Variants in TPTE observed in about 807,000 individuals in gnomAD.
The protein encoded by TPTE is putative tyrosine-protein phosphatase TPTE.
Under a neutral mutation model 84.1 loss-of-function variants are expected in TPTE, and 59 were observed. That is an observed-to-expected ratio of 0.70 (90% CI 0.57 to 0.87). The LOEUF (loss-of-function observed/expected upper bound fraction) is 0.87, where lower values mean the gene tolerates loss of function less well. TPTE is among the 40% of genes least tolerant of loss of function. TPTE has a pLI of 0.00. For missense variants in TPTE, 382 were observed against 659.6 expected (o/e 0.58, Z 4.61); for synonymous variants, 130 against 223.5 (o/e 0.58, Z 3.73).
At chr21:10,538,892 C>T (rs1362648394) in intron 4 of TPTE, among the ~76,000 whole-genome samples, 158 bp downstream of exon 4, 2 of 152,304 alleles carry the variant, frequency 1.3e-5, no homozygotes, top group African/African-American at 2.4e-5. Flanking sequence ...TCCATGCATA[C>T]AGTGGAAACA....
chr21:10,555,161 T>C (rs993682097), intron 8 of TPTE, among the ~76,000 whole-genome samples: 2 of 152,304 alleles, frequency 1.3e-5, no homozygotes, highest in Admixed American at 6.5e-5. Context: ...TCAACTTTGA[T>C]ATTATTGGAA....
intron 17 of TPTE, among the ~76,000 whole-genome samples, chr21:10,580,680 G>C (rs534629819): frequency 6.6e-6 from 1 of 152,306 alleles, no homozygotes; most frequent in Non-Finnish European, 1.5e-5. Flanking sequence ...TTTTTTCTGG[G>C]CTTTGTATTC....
intron 3 of TPTE, among the ~76,000 whole-genome samples, chr21:10,536,949 T>C (rs1341052366): frequency 6.6e-6 from 1 of 152,312 alleles, no homozygotes; most frequent in Non-Finnish European, 1.5e-5. Context: ...CAAACAGAGC[T>C]AATGGCCCTG....
At chr21:10,537,805 G>A (rs1452158794) in intron 3 of TPTE, among the ~76,000 whole-genome samples, 1 of 152,304 alleles carries the variant, frequency 6.6e-6, no homozygotes, top group African/African-American at 2.4e-5. Flanking sequence ...ATCAAGGCAT[G>A]CACCCACAGG....
intron 18 of TPTE, among the ~76,000 whole-genome samples, chr21:10,591,549 G>C (rs554169723): frequency 5.4e-4 from 82 of 152,192 alleles, no homozygotes; most frequent in African/African-American, 1.9e-3. Context: ...ATTGGTGTGT[G>C]TGTGTGTCTC....
Position 10,605,650 on chromosome 21 carries a change from T to A in TPTE, c.*98T>A. On this transcript the variant is annotated 3_prime_UTR_variant, in exon 24 of 24. Coordinates refer to ENST00000618007, the MANE Select transcript of TPTE (RefSeq NM_199261.4). ...AATCTATCCTAAATGTTCCTTGAAGTATTTATTTATGTTTATATATGTTTA... is the reference window on the plus strand; with the variant it reads ...AATCTATCCTAAATGTTCCTTGAAGAATTTATTTATGTTTATATATGTTTA... 6.4e-7 allele frequency: 1 copy of A among 1,568,770 alleles called. No individual in the cohort carries two copies. The highest frequency in any genetic ancestry group is 8.6e-7 in the Non-Finnish European group (1 of 1,160,580).
At chr21:10,553,915 C>T (rs2074628391) in intron 8 of TPTE, among the ~76,000 whole-genome samples, 1 of 152,294 alleles carries the variant, frequency 6.6e-6, no homozygotes, top group South Asian at 2.1e-4. Context: ...ACTTTGAAAA[C>T]TCTGTAGTTC....
At chr21:10,600,140 C>CTTTTTTTT (rs71217979) in intron 21 of TPTE, among the ~76,000 whole-genome samples, 16 of 142,468 alleles carry the variant, frequency 1.1e-4, no homozygotes, top group Non-Finnish European at 1.5e-4. Flanking sequence ...TTTTCTTTTT[C>CTTTTTTTT]TTTTTTTTTT....
intron 8 of TPTE, among the ~76,000 whole-genome samples, chr21:10,556,862 A>G (rs1395447738): frequency 6.6e-6 from 1 of 152,304 alleles, no homozygotes; most frequent in Admixed American, 6.5e-5. Flanking sequence ...GTCTGTTCAT[A>G]TCCTTTGCCC....
intron 18 of TPTE, among the ~76,000 whole-genome samples, chr21:10,590,778 A>C (rs2075459882): frequency 6.6e-6 from 1 of 152,312 alleles, no homozygotes; most frequent in African/African-American, 2.4e-5. Context: ...GAATGCTAAA[A>C]ATTGTAATAA....
chr21:10,557,617 T>C (rs1176825204), intron 8 of TPTE, among the ~76,000 whole-genome samples: 1 of 152,308 alleles, frequency 6.6e-6, no homozygotes, highest in African/African-American at 2.4e-5. Flanking sequence ...TCCATCTACA[T>C]CAGCCTTAAC....
chr21:10,567,297 T>C (rs891423462), intron 10 of TPTE, among the ~76,000 whole-genome samples: 1 of 152,312 alleles, frequency 6.6e-6, no homozygotes, highest in Non-Finnish European at 1.5e-5. Context: ...AACTTGATTG[T>C]ATATTTTTAA....
intron 3 of TPTE, among the ~76,000 whole-genome samples, chr21:10,534,992 A>C (rs964011098): frequency 2.6e-5 from 4 of 152,308 alleles, no homozygotes; most frequent in African/African-American, 9.6e-5. Context: ...TCATAGTCCT[A>C]GGGACTAGAA....
intron 14 of TPTE, among the ~76,000 whole-genome samples, chr21:10,574,482 G>GAAA: frequency 6.6e-6 from 1 of 152,310 alleles, no homozygotes; most frequent in Non-Finnish European, 1.5e-5. Context: ...GGCTAAAAAA[G>GAAA]AAATGTTTAG....
At chr21:10,550,426 G>T (rs11508006) in intron 7 of TPTE, among the ~76,000 whole-genome samples, 2,686 of 151,054 alleles carry the variant, frequency 0.018, no homozygotes, top group Non-Finnish European at 0.02. Context: ...AGTGAGCAGG[G>T]ATAGCTATAC....
intron 19 of TPTE, 42 bp downstream of exon 19, chr21:10,592,415 G>C (rs2075497952): frequency 6.2e-7 from 1 of 1,605,058 alleles, no homozygotes; most frequent in Non-Finnish European, 8.5e-7. Flanking sequence ...TTAGGGGTGT[G>C]GGTTCAGATT....
intron 10 of TPTE, among the ~76,000 whole-genome samples, chr21:10,562,750 G>A (rs1261892462): frequency 3.3e-5 from 5 of 152,414 alleles, no homozygotes; most frequent in South Asian, 4.1e-4. Context: ...AAACAACGAC[G>A]CCTGCCTACA....
At chr21:10,558,104 T>C (rs1364409558) in intron 8 of TPTE, among the ~76,000 whole-genome samples, 1 of 152,308 alleles carries the variant, frequency 6.6e-6, no homozygotes, top group Non-Finnish European at 1.5e-5. Context: ...TTTATGGCTG[T>C]ATAGTATTCC....
chr21:10,527,174 C>CACAG (rs1370871829), intron 2 of TPTE, among the ~76,000 whole-genome samples, 181 bp from the exon 3 acceptor site: 1 of 146,840 alleles, frequency 6.8e-6, no homozygotes, highest in Admixed American at 6.7e-5. Context: ...CACACACAGA[C>CACAG]ACACACACAC....
Sources: gnomAD v4.1 joint callset for allele counts (sites outside exome capture counted in the v4.1 genomes callset) on GRCh38, gnomAD v4.1.1 for gene constraint, MANE v1.5 for transcripts, NCBI Gene and HGNC (gene_info 2026-07-23, HGNC 2026-07-21) for gene names.